NLRP11: variants seen among roughly 807,000 people sequenced by gnomAD.
NLRP11 encodes NACHT, LRR and PYD domains-containing protein 11.
A neutral mutation model predicts 79.3 loss-of-function variants in NLRP11; 53 were observed. The observed-to-expected ratio is 0.67, with a 90% CI of 0.54 to 0.84. The LOEUF (loss-of-function observed/expected upper bound fraction) is 0.84, where lower values mean the gene tolerates loss of function less well. Ranked by LOEUF, NLRP11 falls within the 40% of genes least tolerant of loss-of-function variation. The probability of loss-of-function intolerance (pLI) is 0.00; values close to 1 mark genes in which losing one functional copy is unlikely to be tolerated. For missense variants in NLRP11, 1,264 were observed against 1,255.0 expected (o/e 1.01, Z -0.11); for synonymous variants, 518 against 462.6 (o/e 1.12, Z -1.54).
chr19:55,830,884 G>C (rs1350845842), intron 1 of NLRP11, among the ~76,000 whole-genome samples: 1 of 152,098 alleles, frequency 6.6e-6, no homozygotes, highest in Non-Finnish European at 1.5e-5. Flanking sequence ...GGCACTTCAA[G>C]CACCTGTGAC....
rs2122821986 is a variant in NLRP11 at position 55,809,670 on chromosome 19, T to G, written c.940A>C (p.Lys314Gln). The G allele has an allele frequency of 6.2e-7, 1 of 1,614,124 alleles. No individual in the cohort carries two copies. Among genetic ancestry groups the G allele is most frequent in the East Asian group, 2.2e-5 (1 of 44,882 alleles). Reference sequence around the variant, plus strand: ...GCTGCCGACGCCCTCTGGCGGTCTTTAAAGAAAGAGTTAAAATATATCTCC... The same window carrying G: ...GCTGCCGACGCCCTCTGGCGGTCTTGAAAGAAAGAGTTAAAATATATCTCC... The change falls in exon 3 of 10, where the codon AAA becomes CAA. Residue 314 changes from lysine to glutamine, a missense_variant. Transcript: ENST00000589093. The surrounding 1 kb of genome is among the most constrained non-coding windows in gnomAD (Gnocchi z 4.5).
At chr19:55,828,486 C>T (rs536011396) in intron 1 of NLRP11, among the ~76,000 whole-genome samples, 1 of 152,276 alleles carries the variant, frequency 6.6e-6, no homozygotes. Flanking sequence ...CTGTACTTCT[C>T]ATGGAGAATA....
At chr19:55,823,171 A>T (rs891003260) in intron 1 of NLRP11, among the ~76,000 whole-genome samples, 2 of 146,246 alleles carry the variant, frequency 1.4e-5, no homozygotes, top group African/African-American at 2.6e-5. Flanking sequence ...CTCACACGGC[A>T]GGGTATTCCA....
chr19:55,800,433 G>C lies in NLRP11; in HGVS notation c.2171+1139C>G, dbSNP rs181007961. On this transcript the variant is annotated intron_variant, in intron 5 of 9. Coordinates refer to ENST00000589093, the Ensembl canonical transcript of NLRP11. ...AGCGATTATCTTGCTTCACCCTCTC[G>C]CATAGCTGGGATTACAGGCACCTGC... Among the ~76,000 whole-genome samples, 609 of 152,192 alleles carry C rather than the reference G, an allele frequency of 4.0e-3. 2 individuals carry two copies. Among genetic ancestry groups the C allele is most frequent in the Non-Finnish European group, 5.1e-3 (348 of 68,016 alleles).
exon 10 of NLRP11, chr19:55,785,679 G>A (rs1016511812): frequency 6.2e-7 from 1 of 1,613,794 alleles, no homozygotes; most frequent in African/African-American, 1.3e-5. Flanking sequence ...CAGACATTCT[G>A]GGAAATTTGA....
exon 3 of NLRP11, chr19:55,808,991 G>C (rs374796362): frequency 6.2e-6 from 10 of 1,614,018 alleles, no homozygotes; most frequent in Admixed American, 1.7e-5. Flanking sequence ...CATATGGTGC[G>C]TCAACTTTTC....
In NLRP11 at chr19:55,831,507, C is replaced by T. The variant is rs550621468; in HGVS notation, c.-63+456G>A. On this transcript the variant is annotated intron_variant, in intron 1 of 9. Transcript: ENST00000589093. Reference sequence around the variant, plus strand: ...AACCCAGGAGACAGAGGTTGCAGTGCGCTGAGATCACACCACTGCACGCCA... The same window carrying T: ...AACCCAGGAGACAGAGGTTGCAGTGTGCTGAGATCACACCACTGCACGCCA... 1.6e-4 allele frequency among the ~76,000 whole-genome samples: 24 copies of T among 152,068 alleles called. No individual in the cohort carries two copies. In the South Asian group the frequency reaches 1.9e-3, roughly 12 times the overall value.
At chr19:55,803,211 G>A (rs1979651205) in intron 4 of NLRP11, among the ~76,000 whole-genome samples, 1 of 152,126 alleles carries the variant, frequency 6.6e-6, no homozygotes, top group South Asian at 2.1e-4. Flanking sequence ...GCTGGGCGTG[G>A]TGGCGGGTGC....
At position 55,807,888 on chromosome 19, in the gene NLRP11, G is replaced by A. The variant is rs550796758; in HGVS notation, c.1968C>T (p.Ala656=). 11 of 1,612,808 alleles carry A rather than the reference G, an allele frequency of 6.8e-6. No homozygotes were observed. In the African/African-American group the frequency reaches 1.3e-4, roughly 20 times the overall value. ...GAAGTTTACAGCTAGAATGCTCCAG[G>A]GCTTTAGACAGAATCCTTTCTGAAA... The change falls in exon 4 of 10, where the codon GCC becomes GCT. Residue 656 remains alanine, a synonymous_variant. Coordinates refer to ENST00000589093, the Ensembl canonical transcript of NLRP11.
rs1039204808 is a variant in NLRP11, at chr19:55,791,633, A to T, written c.2513+668T>A. Among the ~76,000 whole-genome samples the T allele has an allele frequency of 2.6e-5, 4 of 152,296 alleles. No individual in the cohort carries two copies. In the East Asian group the frequency reaches 7.7e-4, roughly 29 times the overall value. On this transcript the variant is annotated intron_variant, in intron 7 of 9. Coordinates refer to ENST00000589093, the Ensembl canonical transcript of NLRP11. ...ATTTGAAATAGAACATTTTCAAGAGAGTTCAAATTAAACAACTCCAAGGCA... is the reference window on the plus strand; with the variant it reads ...ATTTGAAATAGAACATTTTCAAGAGTGTTCAAATTAAACAACTCCAAGGCA...
upstream of NLRP11, among the ~76,000 whole-genome samples, chr19:55,834,713 A>C (rs1983082225): frequency 6.6e-6 from 1 of 152,216 alleles, no homozygotes; most frequent in East Asian, 1.9e-4. Flanking sequence ...CCAACCACCT[A>C]TCACTGACAG....
intron 6 of NLRP11, among the ~76,000 whole-genome samples, chr19:55,793,004 T>C (rs958888483): frequency 6.6e-6 from 1 of 152,178 alleles, no homozygotes; most frequent in Non-Finnish European, 1.5e-5. Flanking sequence ...AATCCTAATC[T>C]GGATTTCCAG....
At position 55,785,587 on chromosome 19, in the gene NLRP11, T is replaced by C. The variant is rs145199542; in HGVS notation, c.*38A>G. ...TAATTCTCTTGCATCCCAGTCACGG[T>C]AGTAATTTATAATAAATACTGTTTA... is the stretch of plus-strand genomic sequence containing the variant. On this transcript the variant is annotated 3_prime_UTR_variant, in exon 10 of 10. Coordinates refer to ENST00000589093, the Ensembl canonical transcript of NLRP11. 22 of 1,574,388 alleles carry C rather than the reference T, an allele frequency of 1.4e-5. No homozygotes were observed. In the East Asian group the frequency reaches 4.3e-4, roughly 30 times the overall value.
chr19:55,808,301 G>C (rs1247356723), intron 3 of NLRP11, among the ~76,000 whole-genome samples: 1 of 152,130 alleles, frequency 6.6e-6, no homozygotes, highest in African/African-American at 2.4e-5. Flanking sequence ...TGCATGTTTT[G>C]TGCTATCATG....
intron 5 of NLRP11, among the ~76,000 whole-genome samples, chr19:55,798,759 C>A (rs1200008565): frequency 6.6e-6 from 1 of 151,100 alleles, no homozygotes; most frequent in Non-Finnish European, 1.5e-5. Context: ...CACTCACACA[C>A]ACACACACAC....
chr19:55,817,101 A>G (rs1002138100), intron 2 of NLRP11, among the ~76,000 whole-genome samples: 4 of 152,194 alleles, frequency 2.6e-5, no homozygotes, highest in African/African-American at 7.2e-5. Flanking sequence ...ATCGCTAATG[A>G]CCAGGGAAAT....
At chr19:55,793,755 A>G (rs889487821) in intron 6 of NLRP11, among the ~76,000 whole-genome samples, 3 of 151,970 alleles carry the variant, frequency 2.0e-5, no homozygotes, top group Non-Finnish European at 2.9e-5. Flanking sequence ...CGGAAAATGT[A>G]TATGTAGTTA....
chr19:55,804,744 T>C (rs1159365366), intron 4 of NLRP11, among the ~76,000 whole-genome samples: 2 of 152,108 alleles, frequency 1.3e-5, no homozygotes, highest in African/African-American at 2.4e-5. Context: ...AACTTGCACA[T>C]GTACCACTGA....
At chr19:55,812,966 TC>T (rs1555803397) in intron 2 of NLRP11, among the ~76,000 whole-genome samples, 1 of 152,136 alleles carries the variant, frequency 6.6e-6, no homozygotes, top group Non-Finnish European at 1.5e-5. Context: ...TGCTAAACTT[TC>T]CACCAGTTCA....
Sources: gnomAD v4.1 joint callset for allele counts (sites outside exome capture counted in the v4.1 genomes callset) on GRCh38, gnomAD v4.1.1 for gene constraint, Gnocchi (gnomAD v3.1) non-coding constraint, MANE v1.5 for transcripts, NCBI Gene and HGNC (gene_info 2026-07-23, HGNC 2026-07-21) for gene names.